Variants in PPP2R5E observed in about 807,000 individuals in gnomAD.
PPP2R5E encodes serine/threonine-protein phosphatase 2A 56 kDa regulatory subunit epsilon isoform.
In PPP2R5E, 4 loss-of-function variants were observed where a neutral mutation model predicts 65.3. The observed-to-expected ratio is 0.06, with a 90% CI of 0.03 to 0.14. PPP2R5E has a LOEUF of 0.14. Ranked by LOEUF, PPP2R5E falls within the 10% of genes least tolerant of loss-of-function variation. The pLI, the probability that PPP2R5E is intolerant of heterozygous loss-of-function variation, is 1.00. For missense variants in PPP2R5E, 274 were observed against 556.1 expected (o/e 0.49, Z 5.10); for synonymous variants, 183 against 187.4 (o/e 0.98, Z 0.19).
At chr14:63,436,854 C>T (rs1887973678) in intron 3 of PPP2R5E, among the ~76,000 whole-genome samples, 1 of 152,202 alleles carries the variant, frequency 6.6e-6, no homozygotes, top group Admixed American at 6.5e-5. Flanking sequence ...AAACAACTGT[C>T]AGAGGCATTT....
At chr14:63,390,386 C>T (rs908534447) in intron 10 of PPP2R5E, among the ~76,000 whole-genome samples, 3 of 151,780 alleles carry the variant, frequency 2.0e-5, no homozygotes, top group Admixed American at 6.6e-5. Context: ...CACCGGGTGC[C>T]GCAAGAAACA....
At chr14:63,417,709 G>A (rs1886778120) in intron 4 of PPP2R5E, among the ~76,000 whole-genome samples, 1 of 151,836 alleles carries the variant, frequency 6.6e-6, no homozygotes, top group Non-Finnish European at 1.5e-5. Context: ...AGTGAAATCG[G>A]CTTTTTTACA....
At chr14:63,391,395 G>C (rs998279318) in intron 10 of PPP2R5E, among the ~76,000 whole-genome samples, 2 of 124,418 alleles carry the variant, frequency 1.6e-5, no homozygotes, top group Non-Finnish European at 3.0e-5. Context: ...AGATGATGCA[G>C]TTTTGCTTTG....
At chr14:63,420,934 T>C (rs1395798204) in intron 4 of PPP2R5E, among the ~76,000 whole-genome samples, 1 of 126,960 alleles carries the variant, frequency 7.9e-6, no homozygotes, top group Non-Finnish European at 1.6e-5. Context: ...GCGCCTGTAG[T>C]CCCAGCTACT....
rs117014602 is a variant in PPP2R5E at position 63,386,389 on chromosome 14, T to C, written c.1075-1818A>G. Among the ~76,000 whole-genome samples, 272 of 152,296 alleles carry C rather than the reference T, an allele frequency of 1.8e-3. 2 individuals carry two copies. In the East Asian group the frequency reaches 0.048, roughly 27 times the overall value. ...AAGAATCTGAGACTCAGAGAAGCCA[T>C]TGGCTCAAGGTCACATGGCTAGTAA... On this transcript the variant is annotated intron_variant, in intron 11 of 13. Coordinates refer to ENST00000337537, the MANE Select transcript of PPP2R5E (RefSeq NM_006246.5).
intron 2 of PPP2R5E, among the ~76,000 whole-genome samples, chr14:63,467,529 T>A (rs1889897997): frequency 6.6e-6 from 1 of 152,156 alleles, no homozygotes; most frequent in African/African-American, 2.4e-5. Flanking sequence ...TAACTCTATC[T>A]TCCACTTAAG....
chr14:63,409,481 A>G (rs1886277159), intron 5 of PPP2R5E, among the ~76,000 whole-genome samples: 1 of 152,198 alleles, frequency 6.6e-6, no homozygotes, highest in African/African-American at 2.4e-5. Flanking sequence ...CAGATAACAT[A>G]TGAGGGGGTT....
intron 3 of PPP2R5E, among the ~76,000 whole-genome samples, chr14:63,431,987 G>T (rs555534069): frequency 3.6e-5 from 5 of 140,774 alleles, no homozygotes; most frequent in African/African-American, 1.3e-4. Flanking sequence ...GAGGCAGAAA[G>T]AACATATTAA....
At chr14:63,523,518 G>A (rs111520878) in intron 2 of PPP2R5E, among the ~76,000 whole-genome samples, 1,777 of 151,848 alleles carry the variant, frequency 0.012, 27 homozygotes, top group African/African-American at 0.041. Context: ...CAGCATGCTC[G>A]TTAAGAGTCA....
At position 63,430,405 on chromosome 14, in the gene PPP2R5E, A is replaced by ACATACATG. The variant is rs1555359704; in HGVS notation, c.355-8312_355-8311insCATGTATG. On this transcript the variant is annotated intron_variant, in intron 3 of 13. Coordinates refer to ENST00000337537, the MANE Select transcript of PPP2R5E (RefSeq NM_006246.5). ...TACATACATACATACATACATGCAT[A>ACATACATG]CATACATACATACATGCATACATAC... is the stretch of plus-strand genomic sequence containing the variant. Among the ~76,000 whole-genome samples, 84 of 144,172 alleles carry ACATACATG rather than the reference A, an allele frequency of 5.8e-4. 1 individual carries two copies. The highest frequency in any genetic ancestry group is 2.1e-3 in the African/African-American group (73 of 34,942). 94.6% of individuals were successfully genotyped at this position (144,172 alleles called of 152,430 possible). A position where few individuals can be genotyped will look rare whatever the true frequency, so the allele number is the denominator to read the frequency against.
chr14:63,397,920 G>C (rs1362255103), intron 5 of PPP2R5E, among the ~76,000 whole-genome samples: 2 of 151,900 alleles, frequency 1.3e-5, no homozygotes, highest in Non-Finnish European at 2.9e-5. Context: ...GCAGAGACAG[G>C]GTTTCACCAT....
At chr14:63,384,255 A>T (rs1278156665) in intron 12 of PPP2R5E, among the ~76,000 whole-genome samples, 189 bp downstream of exon 12, 1 of 152,186 alleles carries the variant, frequency 6.6e-6, no homozygotes, top group Admixed American at 6.5e-5. Flanking sequence ...TAGTAAACAG[A>T]TACTTTAACC....
rs1890935472 is a variant in PPP2R5E at position 63,485,416 on chromosome 14, T to C, written c.158-31531A>G. On this transcript the variant is annotated intron_variant, in intron 2 of 13. Transcript: ENST00000337537. ...CATGGTTTGTTTTTTTTGTTCGTTTTTTGGGGGGTTTTTTTGAGACGGAGT... is the reference window on the plus strand; with the variant it reads ...CATGGTTTGTTTTTTTTGTTCGTTTCTTGGGGGGTTTTTTTGAGACGGAGT... Among the ~76,000 whole-genome samples the C allele has an allele frequency of 1.3e-5, 2 of 152,114 alleles. 1 individual carries two copies. Among genetic ancestry groups the C allele is most frequent in the South Asian group, 4.1e-4 (2 of 4,834 alleles).
chr14:63,410,627 C>A (rs1886342341), intron 5 of PPP2R5E, among the ~76,000 whole-genome samples: 1 of 152,062 alleles, frequency 6.6e-6, no homozygotes, highest in Non-Finnish European at 1.5e-5. Context: ...TTAGAAGGCA[C>A]CGGGAGCGAA....
At chr14:63,511,557 G>A (rs1892453157) in intron 2 of PPP2R5E, among the ~76,000 whole-genome samples, 1 of 152,164 alleles carries the variant, frequency 6.6e-6, no homozygotes. Flanking sequence ...GTGGTTTGTT[G>A]AGCAGCAAAA....
chr14:63,400,383 A>C (rs987214454), intron 5 of PPP2R5E, among the ~76,000 whole-genome samples: 1 of 152,218 alleles, frequency 6.6e-6, no homozygotes, highest in Non-Finnish European at 1.5e-5. Flanking sequence ...AAAGGAAGAG[A>C]CATCCAGGCT....
At chr14:63,516,499 A>G (rs1406851574) in intron 2 of PPP2R5E, among the ~76,000 whole-genome samples, 1 of 152,232 alleles carries the variant, frequency 6.6e-6, no homozygotes, top group Non-Finnish European at 1.5e-5. Context: ...ACCTGCTGCA[A>G]AGATACTTTC....
intron 2 of PPP2R5E, among the ~76,000 whole-genome samples, chr14:63,527,699 G>T (rs749820030): frequency 6.6e-6 from 1 of 152,086 alleles, no homozygotes; most frequent in South Asian, 2.1e-4. Flanking sequence ...ACTTTGAGAG[G>T]CCAAGGCGGG....
At chr14:63,486,445 A>C (rs2139615860) in intron 2 of PPP2R5E, among the ~76,000 whole-genome samples, 1 of 152,218 alleles carries the variant, frequency 6.6e-6, no homozygotes, top group South Asian at 2.1e-4. Context: ...TTTCTGGTAT[A>C]AGTTACACAC....
Sources: gnomAD v4.1 joint callset for allele counts (sites outside exome capture counted in the v4.1 genomes callset) on GRCh38, gnomAD v4.1.1 for gene constraint, MANE v1.5 for transcripts, NCBI Gene and HGNC (gene_info 2026-07-23, HGNC 2026-07-21) for gene names.